The following SPEF2 variants were observed in gnomAD, a reference collection of about 807,000 sequenced individuals.
SPEF2 encodes sperm flagella and cilia-associated protein 2.
In SPEF2, 187 loss-of-function variants were observed where a neutral mutation model predicts 224.6. The observed-to-expected ratio is 0.83, with a 90% CI of 0.74 to 0.94. The LOEUF (loss-of-function observed/expected upper bound fraction) is 0.94. Among genes scored for constraint, SPEF2 ranks in the 40% least tolerant of loss-of-function variants. SPEF2 has a pLI of 0.00. For missense variants in SPEF2, 2,170 were observed against 2,135.6 expected (o/e 1.02, Z -0.32); for synonymous variants, 715 against 707.3 (o/e 1.01, Z -0.17).
chr5:35,684,397 C>T (rs1753278315), intron 10 of SPEF2, among the ~76,000 whole-genome samples: 1 of 152,182 alleles, frequency 6.6e-6, no homozygotes, highest in Non-Finnish European at 1.5e-5. Context: ...GCTTATCTCA[C>T]AGGTCAGGCT....
At chr5:35,658,428 G>A (rs892421436) in intron 7 of SPEF2, among the ~76,000 whole-genome samples, 9 of 152,098 alleles carry the variant, frequency 5.9e-5, no homozygotes, top group East Asian at 3.9e-4. Flanking sequence ...TTTTCCTCAC[G>A]TTGGTATTGT....
chr5:35,685,447 A>T (rs1753461755), intron 10 of SPEF2, among the ~76,000 whole-genome samples: 1 of 152,136 alleles, frequency 6.6e-6, no homozygotes, highest in Non-Finnish European at 1.5e-5. Context: ...TGATGAAAGA[A>T]AAGCAAGAAC....
intron 24 of SPEF2, among the ~76,000 whole-genome samples, chr5:35,758,751 A>G (rs1201444433): frequency 6.6e-6 from 1 of 152,136 alleles, no homozygotes; most frequent in Non-Finnish European, 1.5e-5. Flanking sequence ...CATGCCTGTA[A>G]TCCCAGCACT....
At position 35,676,709 on chromosome 5, in the gene SPEF2, A is replaced by G. The variant is rs1752074872; in HGVS notation, c.1524+6482A>G. 2.6e-5 allele frequency among the ~76,000 whole-genome samples: 4 copies of G among 152,252 alleles called. 1 individual carries two copies. The South Asian group carries it at 8.3e-4, about 32-fold the overall frequency. On this transcript the variant is annotated intron_variant, in intron 10 of 36. Coordinates refer to ENST00000356031, the MANE Select transcript of SPEF2 (RefSeq NM_024867.4). ...GTGCCACTGCACTCCAGCCTGGGTG[A>G]CAGAGTGAGACTCTGACTCAAAAGA...
rs116149913 is a variant in SPEF2 at position 35,771,384 on chromosome 5, G to A, written c.3802-225G>A. Among the ~76,000 whole-genome samples the A allele has an allele frequency of 5.7e-3, 869 of 152,250 alleles. 4 individuals are homozygous for A. Among genetic ancestry groups the A allele is most frequent in the African/African-American group, 0.02 (830 of 41,536 alleles). On this transcript the variant is annotated intron_variant, in intron 26 of 36. Transcript: ENST00000356031. ...ATTTGCAGGTGGGGCTTGAGAAAGCGAGCAGCCTCCACATAGATGGTGGAA... is the reference window on the plus strand; with the variant it reads ...ATTTGCAGGTGGGGCTTGAGAAAGCAAGCAGCCTCCACATAGATGGTGGAA...
chr5:35,738,903 T>G (rs1302549583), intron 21 of SPEF2, among the ~76,000 whole-genome samples: 3 of 152,146 alleles, frequency 2.0e-5, no homozygotes, highest in Non-Finnish European at 2.9e-5. Context: ...GCCCATAAAC[T>G]TTTTGTAAAG....
chr5:35,759,467 CTAA>C, intron 24 of SPEF2, 98 bp from the exon 25 acceptor site: 1 of 1,047,704 alleles, frequency 9.5e-7, no homozygotes, highest in Non-Finnish European at 1.3e-6. Context: ...TATTTTCAAT[CTAA>C]ATGTTTTCAA....
At chr5:35,630,268 C>A (rs1323858996) in intron 2 of SPEF2, among the ~76,000 whole-genome samples, 1 of 152,180 alleles carries the variant, frequency 6.6e-6, no homozygotes, top group Non-Finnish European at 1.5e-5. Context: ...AGGACGGTTG[C>A]CCTCTTCTCA....
chr5:35,656,739 G>T (rs1279889736), intron 7 of SPEF2, among the ~76,000 whole-genome samples: 3 of 152,222 alleles, frequency 2.0e-5, no homozygotes, highest in African/African-American at 7.2e-5. Context: ...CAAAACTAGA[G>T]TTGGAGGTAT....
intron 18 of SPEF2, among the ~76,000 whole-genome samples, chr5:35,707,812 G>A (rs1740105234): frequency 6.6e-6 from 1 of 152,128 alleles, no homozygotes; most frequent in Admixed American, 6.5e-5. Flanking sequence ...CTCACTCCCT[G>A]GCTTGCTTCA....
At position 35,650,018 on chromosome 5, in the gene SPEF2, G is replaced by GT. The variant is rs1190687059; in HGVS notation, c.791+600dup. Among the ~76,000 whole-genome samples, 21 of 152,184 alleles carry GT rather than the reference G, an allele frequency of 1.4e-4. No individual in the cohort carries two copies. The East Asian group carries it at 3.5e-3, about 25-fold the overall frequency. ...GATGACATATGTAGGAACAACTTGG[G>GT]TTTTTTTATATTTTTAAATGGAAAT... is the stretch of plus-strand genomic sequence containing the variant. On this transcript the variant is annotated intron_variant, in intron 6 of 36. Coordinates refer to ENST00000356031, the MANE Select transcript of SPEF2 (RefSeq NM_024867.4).
chr5:35,672,903 C>T (rs966284297), intron 10 of SPEF2, among the ~76,000 whole-genome samples: 6 of 152,038 alleles, frequency 3.9e-5, no homozygotes, highest in Non-Finnish European at 7.4e-5. Context: ...AATATTGTAC[C>T]TAGAAATTGC....
chr5:35,759,490 T>C, intron 24 of SPEF2, 78 bp from the exon 25 acceptor site: 1 of 1,261,474 alleles, frequency 7.9e-7, no homozygotes, highest in South Asian at 2.7e-5. Flanking sequence ...AAATAGTGCT[T>C]TCAGAGGCTT....
chr5:35,727,775 T>C lies in SPEF2; in HGVS notation c.3015T>C (p.Pro1005=). ...TSPVAIVPQP[P]KPGSEEWVYV... ...CTGTTGCAATAGTGCCACAGCCACC[T>C]AAGCCAGGATCAGAAGAATGGGTCT... Residue 1005 remains proline (P), a synonymous_variant, in exon 21 of 37, where the codon CCT becomes CCC. Transcript: ENST00000356031. The C allele has an allele frequency of 6.2e-7, 1 of 1,614,002 alleles. No homozygotes were observed. The highest frequency in any genetic ancestry group is 1.6e-4 in the Middle Eastern group (1 of 6,062).
intron 24 of SPEF2, among the ~76,000 whole-genome samples, chr5:35,757,170 A>G (rs939320800): frequency 6.8e-6 from 1 of 146,248 alleles, no homozygotes; most frequent in Non-Finnish European, 1.6e-5. Context: ...GTTATCATAA[A>G]TGTAACATGA....
chr5:35,776,003 G>C (rs1306229642), intron 28 of SPEF2, among the ~76,000 whole-genome samples: 1 of 152,158 alleles, frequency 6.6e-6, no homozygotes, highest in Non-Finnish European at 1.5e-5. Context: ...ATTTATCAAA[G>C]AGTAGATTGC....
intron 21 of SPEF2, among the ~76,000 whole-genome samples, chr5:35,733,068 G>C (rs1487627022): frequency 6.6e-6 from 1 of 151,996 alleles, no homozygotes; most frequent in Admixed American, 6.6e-5. Flanking sequence ...CTGACAAATG[G>C]AATTTCTGTA....
chr5:35,751,013 G>GTATATA lies in SPEF2; in HGVS notation c.3331-2606_3331-2601dup, dbSNP rs1240670506. Among the ~76,000 whole-genome samples the GTATATA allele has an allele frequency of 8.3e-4, 75 of 90,730 alleles. 1 individual carries two copies. Among genetic ancestry groups the GTATATA allele is most frequent in the African/African-American group, 3.1e-3 (68 of 21,692 alleles). The allele number at this position is 90,730 out of a possible 152,430, so 59.5% of individuals were successfully genotyped here. A position where few individuals can be genotyped will look rare whatever the true frequency, so the allele number is the denominator to read the frequency against. On this transcript the variant is annotated intron_variant, in intron 23 of 36. Coordinates refer to ENST00000356031, the MANE Select transcript of SPEF2 (RefSeq NM_024867.4). The stretch of plus-strand genomic sequence containing the variant: ...TATATATATGTATATATATATATAC[G>GTATATA]TATATATATACGTATATATATACAC...
intron 13 of SPEF2, 39 bp downstream of exon 13, chr5:35,694,402 A>G: frequency 6.5e-7 from 1 of 1,535,924 alleles, no homozygotes; most frequent in South Asian, 1.1e-5. Flanking sequence ...TTTACATTAG[A>G]GAGAGAAACA....
Sources: gnomAD v4.1 joint callset for allele counts (sites outside exome capture counted in the v4.1 genomes callset) on GRCh38, gnomAD v4.1.1 for gene constraint, MANE v1.5 for transcripts, NCBI Gene and HGNC (gene_info 2026-07-23, HGNC 2026-07-21) for gene names.